The following MTSS1 variants were observed in gnomAD, a reference collection of about 807,000 sequenced individuals.
The protein encoded by MTSS1 is protein MTSS 1.
A neutral mutation model predicts 79.0 loss-of-function variants in MTSS1; 18 were observed. The observed-to-expected ratio is 0.23, with a 90% CI of 0.16 to 0.34. The LOEUF (loss-of-function observed/expected upper bound fraction) is 0.34. Ranked by LOEUF, MTSS1 falls within the 10% of genes least tolerant of loss-of-function variation. The pLI is 1.00. For missense variants in MTSS1, 815 were observed against 986.2 expected (o/e 0.83, Z 2.33); for synonymous variants, 341 against 368.6 (o/e 0.93, Z 0.86).
chr8:124,575,930 C>G (rs77810880), intron 6 of MTSS1, among the ~76,000 whole-genome samples: 2,131 of 152,176 alleles, frequency 0.014, 51 homozygotes, highest in African/African-American at 0.05. Context: ...GCCTTCAACT[C>G]TTCCTTCTTT....
intron 3 of MTSS1, among the ~76,000 whole-genome samples, chr8:124,605,592 T>TG (rs201078780): frequency 1.4e-5 from 2 of 144,742 alleles, no homozygotes; most frequent in African/African-American, 5.5e-5. Flanking sequence ...GCCCTCTCGC[T>TG]GCCTCCCTCC....
At position 124,597,624 on chromosome 8, in the gene MTSS1, T is replaced by TA. The variant is rs1832994015; in HGVS notation, c.209-6390dup. On this transcript the variant is annotated intron_variant, in intron 3 of 13. Coordinates refer to ENST00000518547, the MANE Select transcript of MTSS1 (RefSeq NM_014751.6). The surrounding 1 kb of genome is among the most constrained non-coding windows in gnomAD (Gnocchi z 4.6). ...GCCATCTCCCTGCATAGCAGGGGACTAATGGCAGGCATTCTTGGGGGCTAC... is the reference window on the plus strand; with the variant it reads ...GCCATCTCCCTGCATAGCAGGGGACTAAATGGCAGGCATTCTTGGGGGCTAC... Among the ~76,000 whole-genome samples the TA allele has an allele frequency of 6.6e-6, 1 of 152,186 alleles. No homozygotes were observed. The highest frequency in any genetic ancestry group is 1.5e-5 in the Non-Finnish European group (1 of 68,028).
intron 4 of MTSS1, 102 bp from the exon 5 acceptor site, chr8:124,589,813 G>A (rs899346283): frequency 2.0e-5 from 17 of 838,144 alleles, no homozygotes; most frequent in African/African-American, 5.2e-5. Flanking sequence ...ACAATTACCC[G>A]AAACGTTCTC....
chr8:124,666,054 A>G (rs1242714235), intron 3 of MTSS1, among the ~76,000 whole-genome samples: 2 of 152,188 alleles, frequency 1.3e-5, no homozygotes, highest in Non-Finnish European at 2.9e-5. Context: ...CAACACACAT[A>G]TTAATACAAT....
At chr8:124,690,096 C>G (rs940484369) in intron 3 of MTSS1, among the ~76,000 whole-genome samples, 1 of 152,150 alleles carries the variant, frequency 6.6e-6, no homozygotes, top group Admixed American at 6.5e-5. Context: ...CACAAATCAA[C>G]TCAGTCACCC....
rs1195818630 is a variant in MTSS1 at position 124,553,698 on chromosome 8, T to A, written c.1568-6A>T. On this transcript the variant is annotated splice_polypyrimidine_tract_variant and splice_region_variant and intron_variant, in intron 13 of 13. Transcript: ENST00000518547. The surrounding 1 kb of genome is among the most constrained non-coding windows in gnomAD (Gnocchi z 6.0). ...GAAATAATCATAATCTGAAACTGAT[T>A]ATAGGATTTGATTAGACATATTCAA... 1 of 1,599,752 alleles carries A rather than the reference T, an allele frequency of 6.3e-7. No homozygotes were observed. Among genetic ancestry groups the A allele is most frequent in the African/African-American group, 1.3e-5 (1 of 74,844 alleles).
intron 3 of MTSS1, among the ~76,000 whole-genome samples, chr8:124,654,354 C>G (rs1342334193): frequency 6.6e-6 from 1 of 152,170 alleles, no homozygotes; most frequent in Non-Finnish European, 1.5e-5. Context: ...GCACGCAAAG[C>G]ATCACAGAAG....
Position 124,728,303 on chromosome 8 carries a change from G to A in MTSS1, c.-348C>T, listed in dbSNP as rs1258627738. ...AGAGAAAATCGCCCGCTGACCCGGG[G>A]CCAGCGCCATTGAAAAACGCAAGAT... On this transcript the variant is annotated 5_prime_UTR_variant, in exon 1 of 14. Coordinates refer to ENST00000518547, the MANE Select transcript of MTSS1 (RefSeq NM_014751.6). The surrounding 1 kb of genome is among the most constrained non-coding windows in gnomAD (Gnocchi z 6.1). The A allele has an allele frequency of 9.6e-6, 2 of 208,652 alleles. No homozygotes were observed. The highest frequency in any genetic ancestry group is 1.9e-5 in the Non-Finnish European group (2 of 105,410). 12.9% of individuals were successfully genotyped at this position (208,652 alleles called of 1,614,324 possible).
intron 1 of MTSS1, among the ~76,000 whole-genome samples, chr8:124,724,948 C>G (rs1833472425): frequency 6.6e-6 from 1 of 152,204 alleles, no homozygotes; most frequent in Admixed American, 6.5e-5. Context: ...TCCTCTGGAA[C>G]CAACTCACAC....
Position 124,556,189 on chromosome 8 carries a change from G to A in MTSS1, c.1404+43C>T, listed in dbSNP as rs745964103. The stretch of plus-strand genomic sequence containing the variant: ...CTGGCCAGAATGTGATCCCCAGCCA[G>A]GCTGAGGTGGCCCCAACCAGCTACT... On this transcript the variant is annotated intron_variant, in intron 12 of 13. Transcript: ENST00000518547. The A allele has an allele frequency of 1.9e-6, 3 of 1,613,420 alleles. No individual in the cohort carries two copies. In the Admixed American group the frequency reaches 5.0e-5, roughly 27 times the overall value.
At chr8:124,705,672 C>T (rs1830286008) in intron 1 of MTSS1, among the ~76,000 whole-genome samples, 1 of 151,998 alleles carries the variant, frequency 6.6e-6, no homozygotes, top group African/African-American at 2.4e-5. Context: ...TGACAGAAGC[C>T]CAATTAAAAC....
intron 3 of MTSS1, among the ~76,000 whole-genome samples, chr8:124,623,623 G>GT (rs1351620491): frequency 6.6e-6 from 1 of 151,198 alleles, no homozygotes; most frequent in Non-Finnish European, 1.5e-5. Flanking sequence ...GATCTTCTGT[G>GT]TTTTTTTGTT....
At chr8:124,595,454 A>G (rs545879344) in intron 3 of MTSS1, among the ~76,000 whole-genome samples, 1 of 152,158 alleles carries the variant, frequency 6.6e-6, no homozygotes, top group East Asian at 1.9e-4. Context: ...CCACTTCTAG[A>G]GGCTGCCTGC....
At chr8:124,685,428 G>T (rs1442871904) in intron 3 of MTSS1, among the ~76,000 whole-genome samples, 4 of 152,210 alleles carry the variant, frequency 2.6e-5, no homozygotes, top group African/African-American at 9.7e-5. Flanking sequence ...CAGGGAACAG[G>T]TAATGTACAG....
At chr8:124,591,065 T>C in intron 4 of MTSS1, 86 bp downstream of exon 4, 2 of 1,120,250 alleles carry the variant, frequency 1.8e-6, no homozygotes, top group Non-Finnish European at 2.7e-6. Flanking sequence ...TTGTGGGGAT[T>C]TAAATGCTGT....
intron 3 of MTSS1, among the ~76,000 whole-genome samples, chr8:124,601,062 A>ATTTTTTTTTTTT (rs35966615): frequency 1.1e-5 from 1 of 88,662 alleles, no homozygotes; most frequent in African/African-American, 4.0e-5. Flanking sequence ...CTTGACTGTA[A>ATTTTTTTTTTTT]TTTTTTTTTT....
rs371096099 is a variant in MTSS1, at chr8:124,585,093, T to G, written c.454A>C (p.Lys152Gln). Residue 152 changes from lysine (K) to glutamine (Q), a missense_variant, in exon 6 of 14, where the codon AAA (lysine) becomes CAA (glutamine). Physicochemically the swap from Lys to Gln is moderately conservative, Grantham distance 53. This residue lies in a region of MTSS1 where 225 missense variants were observed against 365.4 expected (regional missense o/e 0.62). Coordinates refer to ENST00000518547, the MANE Select transcript of MTSS1 (RefSeq NM_014751.6). ...SDTLKLQKKA[K>Q]KGRGDIQPQL... is the part of the protein sequence containing the mutation. ...GCAGAATTTTAGGAGTTACCTTTTT[T>G]TGCTTTCTTCTGCAGTTTCAGCGTA... The G allele has an allele frequency of 6.2e-6, 10 of 1,612,770 alleles. No individual in the cohort carries two copies. Among genetic ancestry groups the G allele is most frequent in the Non-Finnish European group, 7.6e-6 (9 of 1,179,690 alleles).
At chr8:124,616,000 G>A (rs1836772917) in intron 3 of MTSS1, among the ~76,000 whole-genome samples, 1 of 152,198 alleles carries the variant, frequency 6.6e-6, no homozygotes, top group South Asian at 2.1e-4. Context: ...TTCCTCCTCA[G>A]CATCACTCTT....
In MTSS1 at chr8:124,651,464, TG is replaced by T. The variant is rs1287825747; in HGVS notation, c.208+48061del. 2.6e-3 allele frequency among the ~76,000 whole-genome samples: 383 copies of T among 147,742 alleles called. 1 individual carries two copies. The highest frequency in any genetic ancestry group is 8.8e-3 in the African/African-American group (358 of 40,470). On this transcript the variant is annotated intron_variant, in intron 3 of 13. Coordinates refer to ENST00000518547, the MANE Select transcript of MTSS1 (RefSeq NM_014751.6). ...GTCCACATGGTCTTTTTTTTTTTGG[TG>T]GGGGGGGAGGGGCATAGATTACTAC...
Sources: allele counts gnomAD v4.1 joint callset (sites outside exome capture counted in the v4.1 genomes callset), GRCh38; gene constraint gnomAD v4.1.1; regional missense constraint gnomAD v4.1.1; non-coding constraint Gnocchi (gnomAD v3.1); transcripts MANE v1.5; gene names NCBI Gene and HGNC (gene_info 2026-07-23, HGNC 2026-07-21).